The following ZFHX4 variants were observed in gnomAD, a reference collection of about 807,000 sequenced individuals.
ZFHX4 encodes the protein zinc finger homeobox protein 4.
ZFHX4 carries 56 observed loss-of-function variants against 267.6 expected under a neutral mutation model. That is an observed-to-expected ratio of 0.21 (90% CI 0.17 to 0.26). The LOEUF (loss-of-function observed/expected upper bound fraction) is 0.26, where lower values mean the gene tolerates loss of function less well. Among genes scored for constraint, ZFHX4 ranks in the 10% least tolerant of loss-of-function variants. The probability of loss-of-function intolerance (pLI) is 1.00; values close to 1 mark genes in which losing one functional copy is unlikely to be tolerated. For synonymous variants in ZFHX4, 1,778 were observed against 1,665.6 expected (o/e 1.07, Z -1.64); for missense variants, 4,332 against 4,420.0 (o/e 0.98, Z 0.56).
chr8:76,827,421 C>A (rs1811816118), intron 4 of ZFHX4, among the ~76,000 whole-genome samples: 1 of 152,040 alleles, frequency 6.6e-6, no homozygotes, highest in Non-Finnish European at 1.5e-5. Flanking sequence ...GGTTAGGGAC[C>A]CCTGCTATAA....
chr8:76,835,229 A>G (rs936877394), intron 5 of ZFHX4, among the ~76,000 whole-genome samples: 6 of 90,794 alleles, frequency 6.6e-5, no homozygotes, highest in African/African-American at 3.2e-4. Flanking sequence ...GTATATATAT[A>G]TATATATATA....
In ZFHX4 at chr8:76,863,783, C is replaced by T. The variant is rs1303311652; in HGVS notation, c.10069C>T (p.Pro3357Ser). 2 of 1,552,082 alleles carry T rather than the reference C, an allele frequency of 1.3e-6. No homozygotes were observed. The highest frequency in any genetic ancestry group is 1.4e-5 in the African/African-American group (1 of 73,060). ...GACATCCAAAGTAGAAAGTGACCAG[C>T]CGCAAAACTCCAACGATGCTTCAGA... is the stretch of plus-strand genomic sequence containing the variant. ...AKTSKVESDQPQNSNDASETK... is the reference protein window; with the variant it reads ...AKTSKVESDQSQNSNDASETK... Residue 3357 changes from proline (P) to serine (S), a missense_variant, in exon 11 of 11, where the codon CCG becomes TCG. Physicochemically the swap from Pro to Ser is moderately conservative, Grantham distance 74. Around this residue, in one of 7 missense-constraint regions of ZFHX4, gnomAD observed 1,648 missense variants for 1,625.0 expected, o/e 1.01. Coordinates refer to ENST00000651372, the MANE Select transcript of ZFHX4 (RefSeq NM_024721.5).
intron 3 of ZFHX4, among the ~76,000 whole-genome samples, chr8:76,721,981 T>C (rs1261722787): frequency 6.6e-6 from 1 of 152,142 alleles, no homozygotes; most frequent in Non-Finnish European, 1.5e-5. Flanking sequence ...AGTATGAATA[T>C]GCCTCTTTCT....
intron 4 of ZFHX4, among the ~76,000 whole-genome samples, chr8:76,825,160 T>C (rs1346883527): frequency 6.6e-6 from 1 of 152,236 alleles, no homozygotes; most frequent in African/African-American, 2.4e-5. Context: ...GTCTTTTCTT[T>C]GAGTAACTTG....
chr8:76,822,933 A>T (rs190685185), intron 4 of ZFHX4, among the ~76,000 whole-genome samples: 1 of 152,294 alleles, frequency 6.6e-6, no homozygotes, highest in Non-Finnish European at 1.5e-5. Flanking sequence ...TCCAAGATCT[A>T]GTCCCATAAA....
intron 1 of ZFHX4, among the ~76,000 whole-genome samples, chr8:76,702,391 T>G (rs1348971344): frequency 6.6e-6 from 1 of 152,202 alleles, no homozygotes; most frequent in Non-Finnish European, 1.5e-5. Flanking sequence ...CTGACAAGAT[T>G]GGATTTGATT....
chr8:76,734,530 T>C (rs1809107506), intron 3 of ZFHX4, among the ~76,000 whole-genome samples: 1 of 152,140 alleles, frequency 6.6e-6, no homozygotes, highest in Admixed American at 6.6e-5. Context: ...AGAATGAAAA[T>C]TAATTATAAT....
chr8:76,818,119 G>A (rs534860417), intron 4 of ZFHX4, among the ~76,000 whole-genome samples: 5 of 152,320 alleles, frequency 3.3e-5, no homozygotes, highest in African/African-American at 1.2e-4. Context: ...GTTCAGTAAT[G>A]TTTAGAGGAA....
At position 76,775,628 on chromosome 8, in the gene ZFHX4, ATTTAGCCCAAGCCTT is replaced by A. The variant is rs557426244; in HGVS notation, c.3094-2577_3094-2563del. ...CTAATCCCTGACAGTCAAAGAATCTATTTAGCCCAAGCCTTTTCTTTTAACCGGCTCACACCTGCA... is the reference window on the plus strand; with the variant it reads ...CTAATCCCTGACAGTCAAAGAATCTATTCTTTTAACCGGCTCACACCTGCA... On this transcript the variant is annotated intron_variant, in intron 3 of 10. Coordinates refer to ENST00000651372, the MANE Select transcript of ZFHX4 (RefSeq NM_024721.5). Among the ~76,000 whole-genome samples, 5 of 152,268 alleles carry A rather than the reference ATTTAGCCCAAGCCTT, an allele frequency of 3.3e-5. No individual in the cohort carries two copies. In the East Asian group the frequency reaches 9.7e-4, roughly 29 times the overall value.
chr8:76,746,824 C>T (rs1456721662), intron 3 of ZFHX4, among the ~76,000 whole-genome samples: 1 of 152,148 alleles, frequency 6.6e-6, no homozygotes, highest in East Asian at 1.9e-4. Flanking sequence ...TGTTCCACCT[C>T]TCCTTGGTAC....
rs1222705219 is a variant in ZFHX4 at position 76,855,321 on chromosome 8, T to C, written c.8400T>C (p.Phe2800=). ...EAGYDQNKTD[F]DETSSINTAI... Reference sequence around the variant, plus strand: ...GGTATGATCAAAATAAAACCGATTTTGATGAGACTTCATCGATTAATACGG... The same window carrying C: ...GGTATGATCAAAATAAAACCGATTTCGATGAGACTTCATCGATTAATACGG... The change falls in exon 10 of 11, where the codon TTT becomes TTC. Residue 2800 remains phenylalanine, a synonymous_variant. Transcript: ENST00000651372. 1 of 1,613,682 alleles carries C rather than the reference T, an allele frequency of 6.2e-7. No individual in the cohort carries two copies. The highest frequency in any genetic ancestry group is 1.3e-5 in the African/African-American group (1 of 74,908).
At chr8:76,726,109 A>T (rs926943743) in intron 3 of ZFHX4, among the ~76,000 whole-genome samples, 1 of 152,194 alleles carries the variant, frequency 6.6e-6, no homozygotes, top group African/African-American at 2.4e-5. Flanking sequence ...TCATTATGCA[A>T]AAAATCTCAT....
intron 3 of ZFHX4, among the ~76,000 whole-genome samples, chr8:76,757,483 C>A (rs552120474): frequency 2.6e-5 from 4 of 152,196 alleles, no homozygotes; most frequent in African/African-American, 9.6e-5. Context: ...TGATGGTCAA[C>A]CACTGGAGAC....
chr8:76,806,064 C>G (rs1811236825), intron 4 of ZFHX4, among the ~76,000 whole-genome samples: 1 of 152,068 alleles, frequency 6.6e-6, no homozygotes, highest in African/African-American at 2.4e-5. Context: ...ACCTTCATTT[C>G]CCATCCTTTA....
At chr8:76,776,821 C>T (rs1214120445) in intron 3 of ZFHX4, among the ~76,000 whole-genome samples, 2 of 151,948 alleles carry the variant, frequency 1.3e-5, no homozygotes, top group Non-Finnish European at 1.5e-5. Context: ...TGTCCATGAG[C>T]GTTAACCAAA....
At chr8:76,768,439 G>T (rs936697439) in intron 3 of ZFHX4, among the ~76,000 whole-genome samples, 1 of 152,176 alleles carries the variant, frequency 6.6e-6, no homozygotes, top group South Asian at 2.1e-4. Flanking sequence ...GGAGATGGAG[G>T]TAGTAGTTCC....
At chr8:76,716,817 T>G (rs1343595972) in intron 3 of ZFHX4, among the ~76,000 whole-genome samples, 1 of 152,236 alleles carries the variant, frequency 6.6e-6, no homozygotes, top group African/African-American at 2.4e-5. Context: ...CAGAGATTTT[T>G]AAAAGTCTTC....
intron 4 of ZFHX4, among the ~76,000 whole-genome samples, chr8:76,818,930 G>T (rs1372157410): frequency 6.6e-6 from 1 of 151,754 alleles, no homozygotes; most frequent in Admixed American, 6.6e-5. Flanking sequence ...AAAAAGAAAA[G>T]AAATCCAGAG....
intron 4 of ZFHX4, among the ~76,000 whole-genome samples, chr8:76,804,298 CTTTTAAT>C (rs1811192767): frequency 6.6e-6 from 1 of 151,976 alleles, no homozygotes; most frequent in African/African-American, 2.4e-5. Context: ...ATCAATCATA[CTTTTAAT>C]TTTTAATTTA....
Sources: allele counts gnomAD v4.1 joint callset (sites outside exome capture counted in the v4.1 genomes callset), GRCh38; gene constraint gnomAD v4.1.1; regional missense constraint gnomAD v4.1.1; transcripts MANE v1.5; gene names NCBI Gene and HGNC (gene_info 2026-07-23, HGNC 2026-07-21).